SEMA5A: variants seen among roughly 807,000 people sequenced by gnomAD.
The protein encoded by SEMA5A is semaphorin-5A.
Under a neutral mutation model 135.5 loss-of-function variants are expected in SEMA5A, and 55 were observed. That is an observed-to-expected ratio of 0.41 (90% confidence interval 0.33 to 0.51). The LOEUF is 0.51. Among genes scored for constraint, SEMA5A ranks in the 20% least tolerant of loss-of-function variants. The pLI is 0.37. For missense variants in SEMA5A, 1,290 were observed against 1,419.9 expected, an observed-to-expected ratio of 0.91 and a Z score of 1.47; for synonymous variants, 580 against 546.5, an observed-to-expected ratio of 1.06 and a Z score of -0.85.
chr5:9,360,091 CTT>C (rs1754624952), intron 3 of SEMA5A, among the ~76,000 whole-genome samples: 1 of 152,224 alleles, frequency 6.6e-6, no homozygotes, highest in Non-Finnish European at 1.5e-5. Context: ...CTTTGAATCT[CTT>C]GTGTTGTTCA....
intron 5 of SEMA5A, among the ~76,000 whole-genome samples, chr5:9,259,125 T>C (rs1669473618): frequency 6.6e-6 from 1 of 152,174 alleles, no homozygotes; most frequent in South Asian, 2.1e-4. Flanking sequence ...CCCGGCCCCA[T>C]TATTTTTTAC....
At chr5:9,497,892 T>C (rs1735384476) in intron 1 of SEMA5A, among the ~76,000 whole-genome samples, 2 of 152,230 alleles carry the variant, frequency 1.3e-5, no homozygotes, top group African/African-American at 4.8e-5. Flanking sequence ...GGAAGATTCA[T>C]TCTATTATTT....
At chr5:9,432,342 G>A (rs1757886589) in intron 2 of SEMA5A, among the ~76,000 whole-genome samples, 1 of 152,152 alleles carries the variant, frequency 6.6e-6, no homozygotes, top group Non-Finnish European at 1.5e-5. Flanking sequence ...AAGCAAGTGT[G>A]TACCTTGTAT....
At chr5:9,079,552 A>G (rs1216170623) in intron 16 of SEMA5A, among the ~76,000 whole-genome samples, 1 of 151,976 alleles carries the variant, frequency 6.6e-6, no homozygotes, top group Non-Finnish European at 1.5e-5. Context: ...GACAAGAAAT[A>G]ACAAAGAAAG....
chr5:9,424,270 C>T (rs759962344), intron 2 of SEMA5A, among the ~76,000 whole-genome samples: 1 of 152,118 alleles, frequency 6.6e-6, no homozygotes, highest in East Asian at 1.9e-4. Flanking sequence ...TGGCATTTGA[C>T]GATACAACAG....
At chr5:9,250,521 A>C (rs116009994) in intron 5 of SEMA5A, among the ~76,000 whole-genome samples, 116 of 152,348 alleles carry the variant, frequency 7.6e-4, no homozygotes, top group African/African-American at 2.6e-3. Context: ...GACCGAATTC[A>C]TACAATGTTT....
At chr5:9,526,142 C>T (rs574244921) in intron 1 of SEMA5A, among the ~76,000 whole-genome samples, 40 of 152,260 alleles carry the variant, frequency 2.6e-4, no homozygotes, top group African/African-American at 7.9e-4. Flanking sequence ...CATTGTACAT[C>T]GAGCTGCAAA....
intron 11 of SEMA5A, among the ~76,000 whole-genome samples, chr5:9,179,971 T>G (rs1294383739): frequency 6.6e-6 from 1 of 152,202 alleles, no homozygotes; most frequent in Admixed American, 6.5e-5. Flanking sequence ...AGCCATACTT[T>G]CTTAAGAATC....
chr5:9,058,521 G>T (rs1000728054), intron 18 of SEMA5A, among the ~76,000 whole-genome samples: 1 of 152,080 alleles, frequency 6.6e-6, no homozygotes, highest in Non-Finnish European at 1.5e-5. Flanking sequence ...ATTAATTATA[G>T]GAAATTATTT....
chr5:9,055,979 G>A (rs1422963494), intron 18 of SEMA5A, among the ~76,000 whole-genome samples: 1 of 152,114 alleles, frequency 6.6e-6, no homozygotes, highest in African/African-American at 2.4e-5. Flanking sequence ...CTTGGCATCA[G>A]TGAGTACCCT....
intron 15 of SEMA5A, among the ~76,000 whole-genome samples, chr5:9,109,134 G>A (rs1254688953): frequency 8.7e-5 from 12 of 137,966 alleles, no homozygotes; most frequent in Admixed American, 2.4e-4. Context: ...TCCGCCTCCC[G>A]GGTTCACGCC....
chr5:9,496,814 G>A (rs1735327288), intron 1 of SEMA5A, among the ~76,000 whole-genome samples: 1 of 152,136 alleles, frequency 6.6e-6, no homozygotes, highest in South Asian at 2.1e-4. Context: ...AGAATTTTTA[G>A]ATATACATTT....
intron 15 of SEMA5A, among the ~76,000 whole-genome samples, chr5:9,110,758 T>A (rs1467071513): frequency 1.3e-5 from 2 of 152,132 alleles, no homozygotes; most frequent in African/African-American, 4.8e-5. Flanking sequence ...AACTGAACAG[T>A]TATCACTCTT....
intron 19 of SEMA5A, 39 bp from the exon 20 acceptor site, chr5:9,052,067 C>T (rs1242912220): frequency 6.6e-7 from 1 of 1,520,958 alleles, no homozygotes; most frequent in Non-Finnish European, 8.8e-7. Context: ...GCGGAATGGC[C>T]AGTAAGCTCA....
intron 16 of SEMA5A, among the ~76,000 whole-genome samples, chr5:9,066,966 A>T (rs1419629238): frequency 6.6e-6 from 1 of 152,172 alleles, no homozygotes; most frequent in Non-Finnish European, 1.5e-5. Flanking sequence ...ATGAGTAGCT[A>T]AAAGTACCCA....
At chr5:9,428,802 G>A (rs1165291855) in intron 2 of SEMA5A, among the ~76,000 whole-genome samples, 1 of 152,164 alleles carries the variant, frequency 6.6e-6, no homozygotes, top group African/African-American at 2.4e-5. Context: ...GAAGGCTAGA[G>A]CAGTACATTT....
At chr5:9,302,218 T>A (rs894216223) in intron 5 of SEMA5A, among the ~76,000 whole-genome samples, 7 of 152,214 alleles carry the variant, frequency 4.6e-5, no homozygotes, top group African/African-American at 1.7e-4. Context: ...ATCTTTGCCA[T>A]GTAAGGTCAC....
At chr5:9,214,610 C>A (rs1746514794) in intron 8 of SEMA5A, among the ~76,000 whole-genome samples, 1 of 152,146 alleles carries the variant, frequency 6.6e-6, no homozygotes. Context: ...ATCTCTGTAT[C>A]CCGGCCAGAT....
At chr5:9,159,666 C>G (rs1373104503) in intron 11 of SEMA5A, among the ~76,000 whole-genome samples, 1 of 152,102 alleles carries the variant, frequency 6.6e-6, no homozygotes, top group Non-Finnish European at 1.5e-5. Flanking sequence ...GATCTAGAAC[C>G]AGAAATACCA....
Sources: allele counts gnomAD v4.1 joint callset (sites outside exome capture counted in the v4.1 genomes callset), GRCh38; gene constraint gnomAD v4.1.1; transcripts MANE v1.5; gene names NCBI Gene and HGNC (gene_info 2026-07-23, HGNC 2026-07-21).